The following DMD variants were observed in gnomAD, a reference collection of about 807,000 sequenced individuals.
DMD encodes the protein dystrophin.
DMD carries 63 observed loss-of-function variants against 330.1 expected under a neutral mutation model. The observed-to-expected ratio is 0.19, with a 90% CI of 0.16 to 0.24. DMD has a LOEUF of 0.24. Among genes scored for constraint, DMD ranks in the 10% least tolerant of loss-of-function variants. The pLI is 1.00. For synonymous variants in DMD, 1,223 were observed against 959.8 expected (o/e 1.27, Z -5.07); for missense variants, 3,344 against 2,684.1 (o/e 1.25, Z -5.43).
At chrX:32,160,706 C>T (rs1299067301) in intron 44 of DMD, among the ~76,000 whole-genome samples, 1 of 108,800 alleles carries the variant, frequency 9.2e-6, no homozygotes, top group Non-Finnish European at 1.9e-5. Flanking sequence ...TTGGCTCAAA[C>T]ATGAAAGGTT....
intron 62 of DMD, among the ~76,000 whole-genome samples, chrX:31,266,613 G>T (rs1373127374): frequency 8.9e-6 from 1 of 112,094 alleles, no homozygotes; most frequent in Non-Finnish European, 1.9e-5. Flanking sequence ...CCGGCGCCTG[G>T]GGAGAAACCC....
intron 1 of DMD, among the ~76,000 whole-genome samples, chrX:33,060,195 C>A (rs1418751741): frequency 9.0e-6 from 1 of 110,509 alleles, no homozygotes; most frequent in Admixed American, 9.7e-5. Context: ...AATTTTATAA[C>A]CAAGGAACAG....
intron 44 of DMD, among the ~76,000 whole-genome samples, chrX:32,179,771 C>T (rs2096920918): frequency 9.0e-6 from 1 of 111,420 alleles, no homozygotes; most frequent in African/African-American, 3.3e-5. Flanking sequence ...GAGCTAAATA[C>T]TTGTGCTGTC....
chrX:32,528,119 G>C (rs2047091688), intron 17 of DMD, among the ~76,000 whole-genome samples: 1 of 111,528 alleles, frequency 9.0e-6, no homozygotes, highest in Admixed American at 9.5e-5. Flanking sequence ...GACCAACCTG[G>C]CCACCATGAC....
chrX:31,238,486 G>A (rs1259097922), intron 63 of DMD, among the ~76,000 whole-genome samples: 6 of 111,939 alleles, frequency 5.4e-5, no homozygotes, highest in African/African-American at 1.6e-4. Context: ...GTGACAGGCC[G>A]ATGGCAGAAG....
intron 25 of DMD, among the ~76,000 whole-genome samples, chrX:32,457,837 G>A (rs560281741): frequency 2.7e-5 from 3 of 109,730 alleles, no homozygotes; most frequent in South Asian, 8.0e-4. Context: ...AGACATCCAC[G>A]TAACCTCTAA....
chrX:32,034,429 G>A (rs2095922817), intron 44 of DMD, among the ~76,000 whole-genome samples: 1 of 111,255 alleles, frequency 9.0e-6, no homozygotes, highest in African/African-American at 3.3e-5. Context: ...TTTAAACACT[G>A]AGTCTCTTCA....
intron 51 of DMD, among the ~76,000 whole-genome samples, chrX:31,736,931 A>G (rs996956546): frequency 9.0e-6 from 1 of 111,653 alleles, no homozygotes; most frequent in African/African-American, 3.3e-5. Context: ...CTGAGTCTCT[A>G]CCTCTCAGAT....
intron 1 of DMD, among the ~76,000 whole-genome samples, chrX:33,228,554 T>C (rs771669757): frequency 1.8e-5 from 2 of 110,070 alleles, no homozygotes; most frequent in Non-Finnish European, 3.8e-5. Context: ...GAGAGTACAA[T>C]TGGCTCCTAG....
chrX:31,765,535 T>C (rs73213851), intron 51 of DMD, among the ~76,000 whole-genome samples: 12,617 of 111,477 alleles, frequency 0.11, 559 homozygotes, highest in Middle Eastern at 0.14. Flanking sequence ...CTAAAGAATC[T>C]TTATGACACT....
intron 9 of DMD, among the ~76,000 whole-genome samples, chrX:32,676,488 T>G (rs2061978331): frequency 9.0e-6 from 1 of 111,605 alleles, no homozygotes; most frequent in Non-Finnish European, 1.9e-5. Context: ...CAGAATTTCA[T>G]TGCCATTTTG....
intron 7 of DMD, among the ~76,000 whole-genome samples, chrX:32,785,538 A>T (rs774471130): frequency 9.0e-6 from 1 of 111,477 alleles, no homozygotes; most frequent in East Asian, 2.8e-4. Flanking sequence ...TTTCTATTAT[A>T]ATGATTTTGC....
At chrX:32,048,074 G>A (rs867046547) in intron 44 of DMD, among the ~76,000 whole-genome samples, 4 of 102,165 alleles carry the variant, frequency 3.9e-5, no homozygotes, top group African/African-American at 1.4e-4. Flanking sequence ...TAATAAAAAC[G>A]ATAAGGAAAT....
intron 1 of DMD, among the ~76,000 whole-genome samples, chrX:33,154,998 G>T (rs952604801): frequency 8.9e-6 from 1 of 112,128 alleles, no homozygotes. Context: ...GACATGGTCT[G>T]ATTACATATC....
At chrX:32,342,695 A>C in intron 40 of DMD, 2 of 265,315 alleles carry the variant, frequency 7.5e-6, no homozygotes, top group Non-Finnish European at 1.4e-5. Context: ...ATGAAGCAAA[A>C]TAAAAAGTGT....
At chrX:32,780,954 T>A (rs1409694574) in intron 7 of DMD, among the ~76,000 whole-genome samples, 2 of 103,135 alleles carry the variant, frequency 1.9e-5, no homozygotes, top group African/African-American at 3.5e-5. Context: ...TAAAAAAAAA[T>A]AAAAAATAAA....
intron 1 of DMD, among the ~76,000 whole-genome samples, chrX:33,206,907 G>T (rs1045284261): frequency 1.8e-5 from 2 of 109,974 alleles, no homozygotes; most frequent in Non-Finnish European, 3.8e-5. Flanking sequence ...TACAAGTGCA[G>T]GTTTGTTACA....
chrX:32,992,818 A>G (rs1295975910), intron 2 of DMD, among the ~76,000 whole-genome samples: 1 of 106,068 alleles, frequency 9.4e-6, no homozygotes. Flanking sequence ...AGGAAGGACA[A>G]TCGCTTGAAC....
intron 13 of DMD, among the ~76,000 whole-genome samples, chrX:32,574,662 T>C (rs1018763183): frequency 9.0e-6 from 1 of 111,642 alleles, no homozygotes; most frequent in African/African-American, 3.3e-5. Context: ...TATTTTCTCA[T>C]ATATATATTG....
Sources: gnomAD v4.1 joint callset for allele counts (sites outside exome capture counted in the v4.1 genomes callset) on GRCh38, gnomAD v4.1.1 for gene constraint, MANE v1.5 for transcripts, NCBI Gene and HGNC (gene_info 2026-07-23, HGNC 2026-07-21) for gene names.